The following NKAIN3 variants were observed in gnomAD, a reference collection of about 807,000 sequenced individuals.
The protein encoded by NKAIN3 is sodium/potassium transporting ATPase interacting 3.
NKAIN3 carries 25 observed loss-of-function variants against 30.2 expected under a neutral mutation model. That is an observed-to-expected ratio of 0.83 (90% CI 0.60 to 1.16). The LOEUF (loss-of-function observed/expected upper bound fraction) is 1.16, where lower values mean the gene tolerates loss of function less well. Ranked by LOEUF, NKAIN3 falls within the 50% of genes most tolerant of loss-of-function variation. The pLI, the probability that NKAIN3 is intolerant of heterozygous loss-of-function variation, is 0.00. For missense variants in NKAIN3, 225 were observed against 254.1 expected, an observed-to-expected ratio of 0.89 and a Z score of 0.78; for synonymous variants, 91 against 89.6, an observed-to-expected ratio of 1.02 and a Z score of -0.09.
intron 4 of NKAIN3, among the ~76,000 whole-genome samples, chr8:62,891,987 CCTG>C (rs1157136356): frequency 6.6e-6 from 1 of 152,250 alleles, no homozygotes; most frequent in East Asian, 1.9e-4. Flanking sequence ...GGCTTAAACT[CCTG>C]CTATTTGTAG....
In NKAIN3 at chr8:62,966,194, T is replaced by A. The variant is rs1585630804; in HGVS notation, c.*787T>A. ...CCTAAACATACAGCTCATGGGCTTG[T>A]GGGACAGAAATCACAAACATAGACC... On this transcript the variant is annotated 3_prime_UTR_variant, in exon 7 of 7. Transcript: ENST00000623646. 2 of 985,220 alleles carry A rather than the reference T, an allele frequency of 2.0e-6. No homozygotes were observed. The highest frequency in any genetic ancestry group is 6.1e-5 in the Admixed American group (1 of 16,276). The allele number at this position is 985,220 out of a possible 1,614,324, so 61.0% of individuals were successfully genotyped here. A position where few individuals can be genotyped will look rare whatever the true frequency, so the allele number is the denominator to read the frequency against.
At chr8:62,533,471 C>T (rs1278540475) in intron 1 of NKAIN3, among the ~76,000 whole-genome samples, 1 of 132,080 alleles carries the variant, frequency 7.6e-6, no homozygotes, top group East Asian at 2.2e-4. Flanking sequence ...CTGGGCAGGG[C>T]CTTATGTGCT....
intron 3 of NKAIN3, among the ~76,000 whole-genome samples, chr8:62,609,114 C>T (rs180845739): frequency 5.8e-4 from 89 of 152,192 alleles, no homozygotes; most frequent in South Asian, 2.3e-3. Flanking sequence ...ATAATGATTT[C>T]GACTTGATCT....
At chr8:62,944,567 C>A (rs992991112) in intron 5 of NKAIN3, among the ~76,000 whole-genome samples, 7 of 152,106 alleles carry the variant, frequency 4.6e-5, no homozygotes, top group Admixed American at 1.3e-4. Flanking sequence ...TATTTAATTT[C>A]TCTCAATTAC....
intron 1 of NKAIN3, among the ~76,000 whole-genome samples, chr8:62,289,333 A>G (rs191999118): frequency 0.018 from 2,734 of 148,530 alleles, 79 homozygotes; most frequent in African/African-American, 0.063. Flanking sequence ...TATGTCCTGA[A>G]TGGTATTGCC....
At chr8:62,578,059 C>T (rs927503595) in intron 1 of NKAIN3, among the ~76,000 whole-genome samples, 1 of 152,082 alleles carries the variant, frequency 6.6e-6, no homozygotes, top group Non-Finnish European at 1.5e-5. Flanking sequence ...CTGCAGTTTC[C>T]AGTGCCATCA....
At chr8:62,993,895 A>G (rs1054055824) in intron 5 of NKAIN3, among the ~76,000 whole-genome samples, 9 of 152,198 alleles carry the variant, frequency 5.9e-5, no homozygotes, top group African/African-American at 2.2e-4. Flanking sequence ...GCCAGGAAGA[A>G]AAGCACAAAT....
intron 1 of NKAIN3, among the ~76,000 whole-genome samples, chr8:62,528,947 A>G (rs1460137912): frequency 2.0e-5 from 3 of 152,182 alleles, no homozygotes; most frequent in African/African-American, 4.8e-5. Flanking sequence ...AAAATGAGGT[A>G]TATAGAAGCT....
intron 1 of NKAIN3, among the ~76,000 whole-genome samples, chr8:62,569,466 C>T (rs1269635619): frequency 6.6e-6 from 1 of 152,090 alleles, no homozygotes; most frequent in Non-Finnish European, 1.5e-5. Flanking sequence ...CATATGTGAA[C>T]TTTCCAGACA....
chr8:62,463,924 T>C (rs960254719), intron 1 of NKAIN3, among the ~76,000 whole-genome samples: 18 of 152,188 alleles, frequency 1.2e-4, no homozygotes, highest in African/African-American at 4.1e-4. Flanking sequence ...TAACTGAAAC[T>C]GTGAAAGGTG....
chr8:62,505,080 G>A (rs74492608), intron 1 of NKAIN3, among the ~76,000 whole-genome samples: 10 of 152,238 alleles, frequency 6.6e-5, no homozygotes, highest in South Asian at 2.1e-4. Flanking sequence ...GGCAATAAAG[G>A]TAGTAAGAAA....
At chr8:62,728,194 A>T (rs1815319414) in intron 3 of NKAIN3, among the ~76,000 whole-genome samples, 2 of 152,304 alleles carry the variant, frequency 1.3e-5, no homozygotes, top group East Asian at 3.9e-4. Context: ...AAAATGCAAA[A>T]CTATATACTC....
At chr8:62,293,704 AGTCT>A (rs775437693) in intron 1 of NKAIN3, among the ~76,000 whole-genome samples, 2 of 152,204 alleles carry the variant, frequency 1.3e-5, no homozygotes, top group African/African-American at 2.4e-5. Flanking sequence ...TTCAGGAGGC[AGTCT>A]GTCTGTTCTC....
intron 1 of NKAIN3, among the ~76,000 whole-genome samples, chr8:62,254,153 C>CGTGTGTGTGTGT (rs10629239): frequency 2.2e-5 from 3 of 137,046 alleles, no homozygotes; most frequent in South Asian, 2.6e-4. Flanking sequence ...GCTTGGGTAT[C>CGTGTGTGTGTGT]GTGTGTGTGT....
At chr8:62,583,943 G>GT (rs539019275) in intron 2 of NKAIN3, among the ~76,000 whole-genome samples, 6 of 152,024 alleles carry the variant, frequency 3.9e-5, no homozygotes, top group South Asian at 2.1e-4. Flanking sequence ...ATTTGGGAAG[G>GT]TTTTTTTTAA....
At chr8:62,416,863 G>C (rs539441565) in intron 1 of NKAIN3, among the ~76,000 whole-genome samples, 6 of 151,810 alleles carry the variant, frequency 4.0e-5, no homozygotes, top group South Asian at 4.2e-4. Context: ...GCATGGTGGC[G>C]CACCAGTAAT....
At chr8:62,670,740 A>T (rs919588337) in intron 3 of NKAIN3, among the ~76,000 whole-genome samples, 1 of 152,056 alleles carries the variant, frequency 6.6e-6, no homozygotes, top group Non-Finnish European at 1.5e-5. Flanking sequence ...TTCTCTTCTG[A>T]GGCTTCAAAA....
intron 1 of NKAIN3, among the ~76,000 whole-genome samples, chr8:62,346,370 G>C (rs1237883164): frequency 6.6e-6 from 1 of 151,914 alleles, no homozygotes; most frequent in South Asian, 2.1e-4. Flanking sequence ...ATAAGTAAAA[G>C]AAAAATTTTT....
At chr8:62,943,527 T>C (rs1007069903) in intron 5 of NKAIN3, among the ~76,000 whole-genome samples, 1 of 146,640 alleles carries the variant, frequency 6.8e-6, no homozygotes, top group East Asian at 1.9e-4. Flanking sequence ...GATCCAGCAA[T>C]CCCACTACTG....
Sources: gnomAD v4.1 joint callset for allele counts (sites outside exome capture counted in the v4.1 genomes callset) on GRCh38, gnomAD v4.1.1 for gene constraint, MANE v1.5 for transcripts, NCBI Gene and HGNC (gene_info 2026-07-23, HGNC 2026-07-21) for gene names.